CD200R1L: variants seen among roughly 807,000 people sequenced by gnomAD.
CD200R1L encodes CD200 receptor 1 like.
A neutral mutation model predicts 24.8 loss-of-function variants in CD200R1L; 14 were observed. The ratio of observed to expected loss-of-function variants is 0.56; its 90% CI spans 0.37 to 0.88. The LOEUF is 0.88. Among genes scored for constraint, CD200R1L ranks in the 40% least tolerant of loss-of-function variants. The probability of loss-of-function intolerance (pLI) is 0.00; values close to 1 mark genes in which losing one functional copy is unlikely to be tolerated. For synonymous variants in CD200R1L, 111 were observed against 109.2 expected (o/e 1.02, Z -0.11); for missense variants, 299 against 297.8 (o/e 1.00, Z -0.03).
intron 3 of CD200R1L, among the ~76,000 whole-genome samples, chr3:112,834,371 T>C (rs1938882595): frequency 6.6e-6 from 1 of 151,934 alleles, no homozygotes; most frequent in South Asian, 2.1e-4. Flanking sequence ...GAATTTGTGC[T>C]TCCAAATCCC....
intron 3 of CD200R1L, among the ~76,000 whole-genome samples, chr3:112,831,632 T>A (rs866355178): frequency 6.6e-6 from 1 of 152,160 alleles, no homozygotes. Context: ...AAAGAGCAAA[T>A]TGGACACAGA....
At chr3:112,830,498 G>GTTTTTTTTT (rs11391916) in intron 3 of CD200R1L, among the ~76,000 whole-genome samples, 1 of 102,034 alleles carries the variant, frequency 9.8e-6, no homozygotes, top group East Asian at 3.2e-4. Flanking sequence ...TGTCATTGCA[G>GTTTTTTTTT]TTTTTTTTTT....
chr3:112,826,962 G>T, intron 6 of CD200R1L, 31 bp downstream of exon 6: 2 of 1,537,020 alleles, frequency 1.3e-6, no homozygotes, highest in Non-Finnish European at 1.7e-6. Flanking sequence ...TGAGCATCAA[G>T]TTTACTCTTC....
At chr3:112,833,654 A>C (rs1460777134) in intron 3 of CD200R1L, among the ~76,000 whole-genome samples, 3 of 152,192 alleles carry the variant, frequency 2.0e-5, no homozygotes, top group African/African-American at 7.2e-5. Flanking sequence ...AGAGAACACC[A>C]GTCATTTTAG....
At chr3:112,832,512 C>A (rs939207141) in intron 3 of CD200R1L, among the ~76,000 whole-genome samples, 2 of 151,964 alleles carry the variant, frequency 1.3e-5, no homozygotes, top group African/African-American at 2.4e-5. Flanking sequence ...AATATTAATA[C>A]TGAAGACCTA....
chr3:112,840,441 T>A (rs1340308640), intron 2 of CD200R1L, among the ~76,000 whole-genome samples: 1 of 152,180 alleles, frequency 6.6e-6, no homozygotes, highest in Non-Finnish European at 1.5e-5. Flanking sequence ...CAACCAGATC[T>A]CATAACTTAC....
At chr3:112,839,568 C>T (rs1163871115) in intron 2 of CD200R1L, among the ~76,000 whole-genome samples, 1 of 152,200 alleles carries the variant, frequency 6.6e-6, no homozygotes, top group Non-Finnish European at 1.5e-5. Context: ...ATCTTCTCAG[C>T]AAGGCTGAAG....
intron 2 of CD200R1L, among the ~76,000 whole-genome samples, chr3:112,840,275 G>A (rs908111952): frequency 1.3e-5 from 2 of 152,266 alleles, no homozygotes; most frequent in South Asian, 2.1e-4. Context: ...TTGGCTCATG[G>A]TTCTTCAGGC....
intron 3 of CD200R1L, among the ~76,000 whole-genome samples, chr3:112,830,945 T>A (rs974128682): frequency 1.3e-5 from 2 of 150,200 alleles, no homozygotes; most frequent in Non-Finnish European, 1.5e-5. Context: ...GAGAAAGGAG[T>A]ATAATTGGAC....
chr3:112,827,463 T>G lies in CD200R1L; in HGVS notation c.271A>C (p.Ile91Leu). 1 of 1,614,188 alleles carries G rather than the reference T, an allele frequency of 6.2e-7. No individual in the cohort carries two copies. The change falls in exon 5 of 8, where the codon ATT (isoleucine) becomes CTT (leucine). Residue 91 changes from isoleucine to leucine, a missense_variant. Coordinates refer to ENST00000488794, the MANE Select transcript of CD200R1L (RefSeq NM_001199215.3). ...SRPDQNSDLQ[I>L]RPVDTTHDGY... is the part of the protein sequence containing the mutation. ...TCATGAGTGGTGTCCACCGGACGAA[T>G]CTGAAGGTCCGAATTCTGATCAGGT...
intron 3 of CD200R1L, among the ~76,000 whole-genome samples, chr3:112,836,349 G>A (rs1431080528): frequency 6.6e-6 from 1 of 152,258 alleles, no homozygotes. Flanking sequence ...ATAGGCAGAA[G>A]TCCTACTGAT....
chr3:112,846,240 A>G (rs6780406), intron 1 of CD200R1L, among the ~76,000 whole-genome samples: 35,648 of 152,206 alleles, frequency 0.23, 4,865 homozygotes, highest in Non-Finnish European at 0.31. Flanking sequence ...CCTCCAGAGA[A>G]GTTGAGTAAA....
At chr3:112,831,540 T>C (rs78956629) in intron 3 of CD200R1L, among the ~76,000 whole-genome samples, 2,041 of 152,242 alleles carry the variant, frequency 0.013, 59 homozygotes, top group African/African-American at 0.047. Flanking sequence ...GAAAATAAAA[T>C]CATTACAAGT....
intron 3 of CD200R1L, 132 bp downstream of exon 3, chr3:112,837,810 C>G (rs1203376228): frequency 5.4e-6 from 1 of 183,938 alleles, no homozygotes; most frequent in East Asian, 1.8e-4. Context: ...TCGGTCCTTG[C>G]TTGGTCTTCA....
chr3:112,829,503 T>C (rs1369458453), intron 3 of CD200R1L, 119 bp from the exon 4 acceptor site: 3 of 1,290,492 alleles, frequency 2.3e-6, no homozygotes, highest in Non-Finnish European at 3.1e-6. Context: ...ACTAAAATTA[T>C]ACAAAAATCA....
At chr3:112,839,679 G>A (rs555249544) in intron 2 of CD200R1L, among the ~76,000 whole-genome samples, 1 of 152,290 alleles carries the variant, frequency 6.6e-6, no homozygotes, top group Non-Finnish European at 1.5e-5. Flanking sequence ...GTTCTTGATT[G>A]AAAAGGAAAG....
intron 3 of CD200R1L, among the ~76,000 whole-genome samples, chr3:112,829,948 A>G (rs1938756338): frequency 6.6e-6 from 1 of 152,192 alleles, no homozygotes; most frequent in Non-Finnish European, 1.5e-5. Context: ...TCCCAGTGAC[A>G]TGAACTCCCA....
intron 6 of CD200R1L, among the ~76,000 whole-genome samples, chr3:112,825,054 G>A (rs528502987): frequency 6.6e-5 from 10 of 152,122 alleles, no homozygotes; most frequent in South Asian, 2.1e-4. Context: ...TGGCTAACAC[G>A]GTGAAACCCC....
intron 1 of CD200R1L, among the ~76,000 whole-genome samples, chr3:112,846,233 C>T (rs1447669786): frequency 6.6e-6 from 1 of 152,184 alleles, no homozygotes; most frequent in Non-Finnish European, 1.5e-5. Flanking sequence ...ATCATCTCCT[C>T]CAGAGAAGTT....
Sources: allele counts gnomAD v4.1 joint callset (sites outside exome capture counted in the v4.1 genomes callset), GRCh38; gene constraint gnomAD v4.1.1; transcripts MANE v1.5; gene names NCBI Gene and HGNC (gene_info 2026-07-23, HGNC 2026-07-21).